The following MTCL1 variants were observed in gnomAD, a reference collection of about 807,000 sequenced individuals.
The protein encoded by MTCL1 is microtubule crosslinking factor 1.
A neutral mutation model predicts 141.4 loss-of-function variants in MTCL1; 79 were observed. The observed-to-expected ratio is 0.56, with a 90% CI of 0.47 to 0.67. The LOEUF is 0.67. Ranked by LOEUF, MTCL1 falls within the 30% of genes least tolerant of loss-of-function variation. The probability of loss-of-function intolerance (pLI) is 0.00; values close to 1 mark genes in which losing one functional copy is unlikely to be tolerated. For synonymous variants in MTCL1, 914 were observed against 875.8 expected (o/e 1.04, Z -0.77); for missense variants, 2,177 against 2,113.9 (o/e 1.03, Z -0.59).
At chr18:8,751,182 G>C (rs1015228650) in intron 4 of MTCL1, among the ~76,000 whole-genome samples, 3 of 152,176 alleles carry the variant, frequency 2.0e-5, no homozygotes, top group African/African-American at 7.2e-5. Flanking sequence ...GGTCTGTAAG[G>C]CTCAGGCTGC....
At chr18:8,791,544 A>G (rs2075726764) in intron 7 of MTCL1, among the ~76,000 whole-genome samples, 1 of 151,652 alleles carries the variant, frequency 6.6e-6, no homozygotes, top group Non-Finnish European at 1.5e-5. Context: ...CAACCCTAAG[A>G]CTGCAGGTAA....
intron 4 of MTCL1, among the ~76,000 whole-genome samples, chr18:8,742,641 A>G (rs938347376): frequency 9.9e-5 from 15 of 152,192 alleles, no homozygotes; most frequent in Admixed American, 7.9e-4. Context: ...GATCATTACA[A>G]TTCAAGGTGA....
At position 8,746,426 on chromosome 18, in the gene MTCL1, A is replaced by G. The variant is rs187888221; in HGVS notation, c.357+25930A>G. Among the ~76,000 whole-genome samples the G allele has an allele frequency of 1.5e-3, 229 of 152,256 alleles. 1 individual carries two copies. Among genetic ancestry groups the G allele is most frequent in the South Asian group, 3.9e-3 (19 of 4,822 alleles). On this transcript the variant is annotated intron_variant, in intron 4 of 16. Transcript: ENST00000359865. ...TTTTTTGTTCGGTTGTGAGGACTTG[A>G]GGTGAAATATCTAAAGTGCTGAGGC...
chr18:8,720,368 C>A, exon 4 of MTCL1: 1 of 1,614,112 alleles, frequency 6.2e-7, no homozygotes, highest in Non-Finnish European at 8.5e-7. Flanking sequence ...CAGATTGCAC[C>A]ACGAACTTAA....
Position 8,705,944 on chromosome 18 carries a change from G to T in MTCL1, c.284G>T (p.Gly95Val). 1 of 1,096,640 alleles carries T rather than the reference G, an allele frequency of 9.1e-7. No homozygotes were observed. The highest frequency in any genetic ancestry group is 1.1e-6 in the Non-Finnish European group (1 of 903,846). The allele number at this position is 1,096,640 out of a possible 1,614,324, so 67.9% of individuals were successfully genotyped here. A position where few individuals can be genotyped will look rare whatever the true frequency, so the allele number is the denominator to read the frequency against. The change falls in exon 1 of 14, where the codon GGC (glycine) becomes GTC (valine). Residue 95 changes from glycine to valine, a missense_variant. Transcript: ENST00000306329. The surrounding 1 kb of genome is among the most constrained non-coding windows in gnomAD (Gnocchi z 5.2). Reference sequence around the variant, plus strand: ...TCGCCGGGGTCCCTGGCCGCGCCCGGCCGCCTCTCTCGGCGCAGTGGCGGC... The same window carrying T: ...TCGCCGGGGTCCCTGGCCGCGCCCGTCCGCCTCTCTCGGCGCAGTGGCGGC...
chr18:8,784,957 C>T, intron 6 of MTCL1, 114 bp downstream of exon 5: 1 of 950,126 alleles, frequency 1.1e-6, no homozygotes, highest in East Asian at 2.7e-5. Flanking sequence ...GATTTCAAAC[C>T]TGCATTGTAC....
intron 9 of MTCL1, 51 bp from the exon 9 acceptor site, chr18:8,798,046 C>T: frequency 6.5e-7 from 1 of 1,528,248 alleles, no homozygotes; most frequent in Admixed American, 2.3e-5. Flanking sequence ...TCAGGCTGTA[C>T]AGCAAAAGAA....
intron 4 of MTCL1, among the ~76,000 whole-genome samples, chr18:8,750,793 A>G (rs183756874): frequency 2.1e-4 from 32 of 152,332 alleles, no homozygotes; most frequent in African/African-American, 7.5e-4. Flanking sequence ...GTCTTGGCTT[A>G]TAAGAGTGCT....
rs768036497 is a variant in MTCL1, at chr18:8,786,115, C to G, written c.1887+24C>G. On this transcript the variant is annotated intron_variant, in intron 7 of 16. Transcript: ENST00000359865. Reference sequence around the variant, plus strand: ...AGGTCAGCGTGGGCAAGCAATCCCCCCCCCCCGCCCTCCCCCTCCTTTTTC... The same window carrying G: ...AGGTCAGCGTGGGCAAGCAATCCCCGCCCCCCGCCCTCCCCCTCCTTTTTC... 87 of 1,388,262 alleles carry G rather than the reference C, an allele frequency of 6.3e-5. 1 individual carries two copies. The highest frequency in any genetic ancestry group is 3.8e-4 in the Middle Eastern group (2 of 5,254). The allele number at this position is 1,388,262 out of a possible 1,614,324, so 86.0% of individuals were successfully genotyped here.
intron 4 of MTCL1, among the ~76,000 whole-genome samples, chr18:8,754,926 T>G (rs1398850221): frequency 6.6e-6 from 1 of 152,178 alleles, no homozygotes; most frequent in Non-Finnish European, 1.5e-5. Flanking sequence ...TCCCTGGTCC[T>G]TTTTACCTGG....
rs778169919 is a variant in MTCL1 at position 8,784,164 on chromosome 18, AG to A, written c.1054del (p.Val352CysfsTer94). 1 of 1,613,852 alleles carries A rather than the reference AG, an allele frequency of 6.2e-7. No homozygotes were observed. The highest frequency in any genetic ancestry group is 1.1e-5 in the South Asian group (1 of 91,090). ...CTGCAGATCAGCGAGCTCAGCGGCA[AG>A]GTGCTCAAACTGCAGCACGAGAACC... On this transcript the variant is annotated frameshift_variant, in exon 6 of 17. Transcript: ENST00000359865. LOFTEE classifies it high-confidence loss of function.
intron 4 of MTCL1, among the ~76,000 whole-genome samples, chr18:8,775,764 C>T (rs1025828915): frequency 1.3e-5 from 2 of 152,142 alleles, no homozygotes; most frequent in Non-Finnish European, 2.9e-5. Context: ...AAGCCTTCTG[C>T]AGCTGGGGTT....
chr18:8,767,317 A>G (rs189265748), intron 4 of MTCL1, among the ~76,000 whole-genome samples: 56 of 152,300 alleles, frequency 3.7e-4, no homozygotes, highest in African/African-American at 1.3e-3. Flanking sequence ...ATTTCAGCAC[A>G]GTTTAGTAGA....
chr18:8,706,079 C>T, exon 1 of MTCL1: 1 of 1,201,200 alleles, frequency 8.3e-7, no homozygotes, highest in Non-Finnish European at 1.0e-6. Flanking sequence ...CCCGCGGAGC[C>T]GCTGTCCCGG....
rs922589901 is a variant in MTCL1 at position 8,737,624 on chromosome 18, A to C, written c.357+17128A>C. On this transcript the variant is annotated intron_variant, in intron 4 of 16. Coordinates refer to ENST00000359865, the Ensembl canonical transcript of MTCL1. ...CAGCCAGGCATCTGGGATCTCCGTC[A>C]GTTTCCTCAGGACTGAGACGATGAC... 5.3e-5 allele frequency among the ~76,000 whole-genome samples: 8 copies of C among 152,368 alleles called. No individual in the cohort carries two copies. In the East Asian group the frequency reaches 1.5e-3, roughly 29 times the overall value.
At chr18:8,706,281 C>G in exon 1 of MTCL1, 1 of 1,229,620 alleles carries the variant, frequency 8.1e-7, no homozygotes, top group Non-Finnish European at 1.0e-6. Flanking sequence ...GCCACACGGA[C>G]AGCAGCTCCG....
chr18:8,798,253 C>A, exon 10 of MTCL1: 1 of 1,574,608 alleles, frequency 6.4e-7, no homozygotes, highest in Non-Finnish European at 8.6e-7. Flanking sequence ...TCACAGCTTG[C>A]GGCTGCAGAC....
chr18:8,726,095 T>TAC (rs529921033), intron 4 of MTCL1, among the ~76,000 whole-genome samples: 231 of 143,010 alleles, frequency 1.6e-3, no homozygotes, highest in African/African-American at 5.7e-3. Context: ...CTGGTCTTGA[T>TAC]ACCGTATTTT....
Position 8,810,675 on chromosome 18 carries a change from T to C in MTCL1, c.2605-2304T>C, listed in dbSNP as rs1349825702. On this transcript the variant is annotated intron_variant, in intron 11 of 16. Transcript: ENST00000359865. The surrounding 1 kb of genome is among the most constrained non-coding windows in gnomAD (Gnocchi z 5.0). ...CCAGCAGCTCTTTTAAACTGGGATTTTGTGGTGCTTGGTGCTTTTCTGGTA... is the reference window on the plus strand; with the variant it reads ...CCAGCAGCTCTTTTAAACTGGGATTCTGTGGTGCTTGGTGCTTTTCTGGTA... 6.6e-6 allele frequency among the ~76,000 whole-genome samples: 1 copy of C among 152,134 alleles called. No individual in the cohort carries two copies. The highest frequency in any genetic ancestry group is 1.5e-5 in the Non-Finnish European group (1 of 68,016).
Sources: allele counts gnomAD v4.1 joint callset (sites outside exome capture counted in the v4.1 genomes callset), GRCh38; gene constraint gnomAD v4.1.1; non-coding constraint Gnocchi (gnomAD v3.1); transcripts MANE v1.5; gene names NCBI Gene and HGNC (gene_info 2026-07-23, HGNC 2026-07-21).